COL6A3: variants seen among roughly 807,000 people sequenced by gnomAD.
COL6A3 encodes the protein collagen alpha-3(VI) chain.
A neutral mutation model predicts 274.1 loss-of-function variants in COL6A3; 137 were observed. That is an observed-to-expected ratio of 0.50 (90% confidence interval 0.44 to 0.58). The LOEUF (loss-of-function observed/expected upper bound fraction) is 0.58, where lower values mean the gene tolerates loss of function less well. Among genes scored for constraint, COL6A3 ranks in the 20% least tolerant of loss-of-function variants. The pLI is 0.00. For missense variants in COL6A3, 3,950 were observed against 4,124.9 expected (o/e 0.96, Z 1.16); for synonymous variants, 1,650 against 1,650.6 (o/e 1.00, Z 0.01).
intron 9 of COL6A3, among the ~76,000 whole-genome samples, 161 bp from the exon 10 acceptor site, chr2:237,369,338 T>C (rs954298806): frequency 2.0e-5 from 3 of 152,236 alleles, no homozygotes; most frequent in African/African-American, 7.2e-5. Context: ...CCGTTAAAAA[T>C]TGGACCTTTT....
At position 237,413,558 on chromosome 2, in the gene COL6A3, G is replaced by A. The variant is rs1020692916; in HGVS notation, c.-31+395C>T. Reference sequence around the variant, plus strand: ...AGAACATCTCCCAGCGGAGCCGCCCGGCAGGGAGCTATGCTAGTCCTCAGC... The same window carrying A: ...AGAACATCTCCCAGCGGAGCCGCCCAGCAGGGAGCTATGCTAGTCCTCAGC... On this transcript the variant is annotated intron_variant, in intron 1 of 43. Transcript: ENST00000295550. This position sits in a 1 kb window ranked among gnomAD's most constrained non-coding sequence, Gnocchi z 4.0. Among the ~76,000 whole-genome samples, 3 of 152,156 alleles carry A rather than the reference G, an allele frequency of 2.0e-5. No individual in the cohort carries two copies. Among genetic ancestry groups the A allele is most frequent in the African/African-American group, 7.2e-5 (3 of 41,428 alleles).
chr2:237,365,216 A>G (rs1385765817), intron 12 of COL6A3, among the ~76,000 whole-genome samples: 2 of 150,874 alleles, frequency 1.3e-5, no homozygotes, highest in African/African-American at 2.4e-5. Context: ...CAGGAGAAAC[A>G]GCCCTGCCGA....
At chr2:237,356,992 CT>C (rs2077332895) in intron 23 of COL6A3, 1 of 383,848 alleles carries the variant, frequency 2.6e-6, no homozygotes, top group African/African-American at 2.0e-5. Context: ...CCTCAGCCCT[CT>C]TGCCCCTTAT....
chr2:237,361,067 G>A lies in COL6A3; in HGVS notation c.6210+54C>T, dbSNP rs2106343349. On this transcript the variant is annotated intron_variant, in intron 16 of 43. Transcript: ENST00000295550. The surrounding 1 kb of genome is among the most constrained non-coding windows in gnomAD (Gnocchi z 5.1). The stretch of plus-strand genomic sequence containing the variant: ...TGAAATCCACAATGCAATCCCAATG[G>A]GTAAGGATCAAGGAGGGGGTGAAAT... 3.6e-6 allele frequency: 5 copies of A among 1,402,488 alleles called. No homozygotes were observed. In the South Asian group the frequency reaches 5.8e-5, roughly 16 times the overall value. The allele number at this position is 1,402,488 out of a possible 1,614,324, so 86.9% of individuals were successfully genotyped here. A position where few individuals can be genotyped will look rare whatever the true frequency, so the allele number is the denominator to read the frequency against.
In COL6A3 at chr2:237,367,181, A is replaced by G. The variant is rs1472154413; in HGVS notation, c.5006T>C (p.Val1669Ala). The change falls in exon 11 of 44, where the codon GTT (valine) becomes GCT (alanine). Residue 1669 changes from valine (V) to alanine (A), a missense_variant. By Grantham distance (64) the Val-to-Ala change is moderately conservative. This residue lies in a region of COL6A3 where 632 missense variants were observed against 623.4 expected (regional missense o/e 1.01). Transcript: ENST00000295550. Reference sequence around the variant, plus strand: ...TTGGATGGAGTCGCCATCTTCATAAACTGTGTCCACTATTTCAGACACAAA... The same window carrying G: ...TTGGATGGAGTCGCCATCTTCATAAGCTGTGTCCACTATTTCAGACACAAA... ...LRFVSEIVDT[V>A]YEDGDSIQVG... 3 of 1,614,046 alleles carry G rather than the reference A, an allele frequency of 1.9e-6. No homozygotes were observed. The highest frequency in any genetic ancestry group is 1.7e-6 in the Non-Finnish European group (2 of 1,180,034).
At position 237,344,676 on chromosome 2, in the gene COL6A3, C is replaced by A. The variant is rs768564642; in HGVS notation, c.7342G>T (p.Val2448Phe). 9.3e-6 allele frequency: 15 copies of A among 1,611,360 alleles called. No individual in the cohort carries two copies. In the Admixed American group the frequency reaches 2.5e-4, roughly 27 times the overall value. Residue 2448 changes from valine to phenylalanine, a missense_variant, in exon 36 of 44, where the codon GTC (valine) becomes TTC (phenylalanine). Around this residue, in one of 5 missense-constraint regions of COL6A3, gnomAD observed 1,284 missense variants for 1,349.7 expected, o/e 0.95. Transcript: ENST00000295550. This position sits in a 1 kb window ranked among gnomAD's most constrained non-coding sequence, Gnocchi z 4.8. ...NCPRGARVAV[V>F]TYNNEVTTEI... ...GTGGTCACCTCGTTGTTGTAGGTGACCACAGCCACCCGGGCCCCCCGTGGG... is the reference window on the plus strand; with the variant it reads ...GTGGTCACCTCGTTGTTGTAGGTGAACACAGCCACCCGGGCCCCCCGTGGG...
chr2:237,412,783 G>A (rs1348427784), intron 1 of COL6A3, among the ~76,000 whole-genome samples: 1 of 152,202 alleles, frequency 6.6e-6, no homozygotes, highest in Non-Finnish European at 1.5e-5. Flanking sequence ...TGAGCACCCT[G>A]CAGCTCTAGC....
At chr2:237,404,006 T>C (rs2078661111) in intron 1 of COL6A3, among the ~76,000 whole-genome samples, 1 of 152,152 alleles carries the variant, frequency 6.6e-6, no homozygotes, top group Non-Finnish European at 1.5e-5. Flanking sequence ...ATTTTTTGTA[T>C]GACCTCAATT....
intron 23 of COL6A3, chr2:237,357,020 T>C: frequency 2.3e-6 from 1 of 435,072 alleles, no homozygotes. Context: ...CCTCCCCCAG[T>C]ATTAGGATTT....
rs1358308317 is a variant in COL6A3, at chr2:237,395,194, A to G, written c.102T>C (p.Asn34=). 1 of 1,613,170 alleles carries G rather than the reference A, an allele frequency of 6.2e-7. No homozygotes were observed. The highest frequency in any genetic ancestry group is 8.5e-7 in the Non-Finnish European group (1 of 1,180,000). The change falls in exon 3 of 44, where the codon AAT becomes AAC. Residue 34 remains asparagine, a synonymous_variant. Coordinates refer to ENST00000295550, the MANE Select transcript of COL6A3 (RefSeq NM_004369.4). ...HAQQQQADVK[N]GAAADIIFLV... ...GAAATATTATATCAGCAGCCGCACC[A>G]TTTTTGACATCTTTAAAAAAAGACA... is the stretch of plus-strand genomic sequence containing the variant.
chr2:237,376,619 A>G (rs879796598), intron 7 of COL6A3, among the ~76,000 whole-genome samples, 153 bp downstream of exon 7: 1 of 152,134 alleles, frequency 6.6e-6, no homozygotes, highest in African/African-American at 2.4e-5. Flanking sequence ...CTCATATTCT[A>G]TTGTTCCTGC....
At chr2:237,351,942 G>A (rs1316128218) in intron 26 of COL6A3, among the ~76,000 whole-genome samples, 1 of 152,188 alleles carries the variant, frequency 6.6e-6, no homozygotes, top group Admixed American at 6.5e-5. Context: ...TAAATGATAG[G>A]ATGCCTCCCT....
chr2:237,342,006 T>C (rs908480457), intron 37 of COL6A3, 59 bp downstream of exon 37: 74 of 1,351,888 alleles, frequency 5.5e-5, no homozygotes, highest in Non-Finnish European at 7.0e-5. Context: ...CACTCTCCCA[T>C]GGATATTATG....
In COL6A3 at chr2:237,381,084, G is replaced by T. The variant is rs760311733; in HGVS notation, c.1728C>A (p.Ser576Arg). ...TGTTCCCAATGGCAAAGGCCATTAT[G>T]CTGCTTCTCTTCAGCTCCTGGGCAG... ...SQPAQELKRSSIMAFAIGNKG... is the reference protein window; with the variant it reads ...SQPAQELKRSRIMAFAIGNKG... The change falls in exon 5 of 44, where the codon AGC (serine) becomes AGA (arginine). Residue 576 changes from serine (S) to arginine (R), a missense_variant. By Grantham distance (110) the Ser-to-Arg change is moderately radical (BLOSUM62 -1). Around this residue, in one of 5 missense-constraint regions of COL6A3, gnomAD observed 1,934 missense variants for 1,984.3 expected, o/e 0.97. Transcript: ENST00000295550. The T allele has an allele frequency of 1.2e-6, 2 of 1,614,246 alleles. No homozygotes were observed. Among genetic ancestry groups the T allele is most frequent in the Non-Finnish European group, 8.5e-7 (1 of 1,180,050 alleles).
At position 237,363,244 on chromosome 2, in the gene COL6A3, A is replaced by AT. The variant is rs755266507; in HGVS notation, c.6063+8_6063+9insA. ...CTGGTCTGTGTATAAAGACATAAAAAAAACTCACAAGCTGCTCCGCTAGTT... is the reference window on the plus strand; with the variant it reads ...CTGGTCTGTGTATAAAGACATAAAAATAAACTCACAAGCTGCTCCGCTAGTT... On this transcript the variant is annotated intron_variant, in intron 14 of 43. Coordinates refer to ENST00000295550, the MANE Select transcript of COL6A3 (RefSeq NM_004369.4). 2 of 1,614,094 alleles carry AT rather than the reference A, an allele frequency of 1.2e-6. No individual in the cohort carries two copies. Among genetic ancestry groups the AT allele is most frequent in the Admixed American group, 3.3e-5 (2 of 60,022 alleles).
Position 237,324,723 on chromosome 2 carries a change from G to T in COL6A3, c.*51C>A. On this transcript the variant is annotated 3_prime_UTR_variant, in exon 44 of 44. Coordinates refer to ENST00000295550, the MANE Select transcript of COL6A3 (RefSeq NM_004369.4). ...GGAGCTTCTACAGAGACAAGTTGGC[G>T]ATGGCTGACTCCTTCTTCTTCAAGA... 2 of 1,584,360 alleles carry T rather than the reference G, an allele frequency of 1.3e-6. No homozygotes were observed. The highest frequency in any genetic ancestry group is 1.1e-5 in the South Asian group (1 of 90,414).
intron 42 of COL6A3, among the ~76,000 whole-genome samples, chr2:237,332,105 A>ATC (rs1700283516): frequency 2.6e-5 from 1 of 38,252 alleles, no homozygotes; most frequent in Admixed American, 2.6e-4. Flanking sequence ...ATATATATAT[A>ATC]TATATATATA....
chr2:237,368,151 A>T lies in COL6A3; in HGVS notation c.4900+412T>A, dbSNP rs926916273. Among the ~76,000 whole-genome samples the T allele has an allele frequency of 1.3e-5, 2 of 152,228 alleles. No individual in the cohort carries two copies. Among genetic ancestry groups the T allele is most frequent in the Non-Finnish European group, 2.9e-5 (2 of 68,034 alleles). On this transcript the variant is annotated intron_variant, in intron 10 of 43. Transcript: ENST00000295550. The surrounding 1 kb of genome is among the most constrained non-coding windows in gnomAD (Gnocchi z 4.4). ...GGTGGACGACTGCAAGTCTTCCAGGAAGGTGCTCCCTGATGGTCCCACCAG... is the reference window on the plus strand; with the variant it reads ...GGTGGACGACTGCAAGTCTTCCAGGTAGGTGCTCCCTGATGGTCCCACCAG...
chr2:237,366,881 C>G lies in COL6A3; in HGVS notation c.5306G>C (p.Arg1769Thr), dbSNP rs775041494. The change falls in exon 11 of 44, where the codon AGG becomes ACG. Residue 1769 changes from arginine (R) to threonine (T), a missense_variant. Coordinates refer to ENST00000295550, the MANE Select transcript of COL6A3 (RefSeq NM_004369.4). Reference sequence around the variant, plus strand: ...TCCAACAGCAAACACTTTGACCCCCCTCTGGGTGAGGGCCAGGCTCACATC... The same window carrying G: ...TCCAACAGCAAACACTTTGACCCCCGTCTGGGTGAGGGCCAGGCTCACATC... ...AQDVSLALTQ[R>T]GVKVFAVGVR... is the part of the protein sequence containing the mutation. 6.2e-7 allele frequency: 1 copy of G among 1,614,264 alleles called. No homozygotes were observed. The highest frequency in any genetic ancestry group is 8.5e-7 in the Non-Finnish European group (1 of 1,180,054).
Sources: gnomAD v4.1 joint callset for allele counts (sites outside exome capture counted in the v4.1 genomes callset) on GRCh38, gnomAD v4.1.1 for gene constraint, gnomAD v4.1.1 regional missense constraint, Gnocchi (gnomAD v3.1) non-coding constraint, MANE v1.5 for transcripts, NCBI Gene and HGNC (gene_info 2026-07-23, HGNC 2026-07-21) for gene names.